The following POLI variants were observed in gnomAD, a reference collection of about 807,000 sequenced individuals.
The protein encoded by POLI is DNA polymerase iota, also known as RAD30 homolog B.
POLI carries 58 observed loss-of-function variants against 51.6 expected under a neutral mutation model. The ratio of observed to expected loss-of-function variants is 1.12; its 90% CI spans 0.91 to 1.40. The LOEUF (loss-of-function observed/expected upper bound fraction) is 1.40. Ranked by LOEUF, POLI falls within the 40% of genes most tolerant of loss-of-function variation. POLI has a pLI of 0.00. For synonymous variants in POLI, 322 were observed against 299.7 expected (o/e 1.07, Z -0.77); for missense variants, 921 against 871.3 (o/e 1.06, Z -0.72).
At chr18:54,304,798 G>T (rs1293215727) in intron 3 of POLI, among the ~76,000 whole-genome samples, 15 of 152,212 alleles carry the variant, frequency 9.9e-5, no homozygotes, top group Non-Finnish European at 2.2e-4. Context: ...GGCTTTTGTT[G>T]CCATTGCTTT....
At chr18:54,278,749 A>G (rs559790511) in intron 4 of POLI, among the ~76,000 whole-genome samples, 125 of 152,352 alleles carry the variant, frequency 8.2e-4, no homozygotes, top group African/African-American at 3.0e-3. Flanking sequence ...TGAATATCTG[A>G]TTAGGCTTTC....
chr18:54,315,893 A>AT (rs910126559), intron 3 of POLI, among the ~76,000 whole-genome samples: 27 of 150,436 alleles, frequency 1.8e-4, no homozygotes, highest in Non-Finnish European at 3.0e-5. Flanking sequence ...TTGGGTCTTG[A>AT]TTTTTTATCC....
In POLI at chr18:54,277,683, C is replaced by G. The variant is rs761835717; in HGVS notation, c.407-20C>G. ...TTATAACTTCATTTACATTTGTGCT[C>G]CAATATTATTTCAATTTAGAATTAC... is the stretch of plus-strand genomic sequence containing the variant. On this transcript the variant is annotated intron_variant, in intron 3 of 9. Transcript: ENST00000579534. The G allele has an allele frequency of 4.1e-5, 61 of 1,503,642 alleles. No homozygotes were observed. The highest frequency in any genetic ancestry group is 5.3e-5 in the Non-Finnish European group (58 of 1,093,464). The allele number at this position is 1,503,642 out of a possible 1,614,324, so 93.1% of individuals were successfully genotyped here.
rs61280100 is a variant in POLI, at chr18:54,285,521, AGTGTGTGTGTGT to A, written c.1067+1531_1067+1542del. On this transcript the variant is annotated intron_variant, in intron 7 of 9. Transcript: ENST00000579534. The stretch of plus-strand genomic sequence containing the variant: ...GACTTGCAAAAAAAAAAATTACAGG[AGTGTGTGTGTGT>A]GTGTGTGTGTGTGTGTGTGTGTATT... Among the ~76,000 whole-genome samples the A allele has an allele frequency of 1.5e-4, 22 of 144,758 alleles. No homozygotes were observed. The East Asian group carries it at 1.6e-3, about 11-fold the overall frequency. 95.0% of individuals were successfully genotyped at this position (144,758 alleles called of 152,430 possible).
chr18:54,282,118 G>A lies in POLI; in HGVS notation c.797-719G>A, dbSNP rs1041593707. Among the ~76,000 whole-genome samples the A allele has an allele frequency of 7.2e-5, 11 of 152,026 alleles. No individual in the cohort carries two copies. In the South Asian group the frequency reaches 1.0e-3, roughly 14 times the overall value. ...CTTATGGATAAATGTGTGGTGGTGC[G>A]TATAGGAATCAGTTAGGTTACCTAA... On this transcript the variant is annotated intron_variant, in intron 5 of 9. Coordinates refer to ENST00000579534, the MANE Select transcript of POLI (RefSeq NM_007195.3).
chr18:54,287,501 G>A (rs150668730), intron 8 of POLI, 90 bp downstream of exon 8: 1 of 875,936 alleles, frequency 1.1e-6, no homozygotes, highest in African/African-American at 1.7e-5. Context: ...AAAATGGAGG[G>A]TCTTCACAGG....
intron 9 of POLI, among the ~76,000 whole-genome samples, chr18:54,292,300 AT>A (rs1257198243): frequency 6.6e-6 from 1 of 152,148 alleles, no homozygotes; most frequent in East Asian, 1.9e-4. Flanking sequence ...TTGTTAACAC[AT>A]TTTATAGTAT....
At chr18:54,319,669 C>A (rs1041586733) in intron 3 of POLI, among the ~76,000 whole-genome samples, 2 of 151,948 alleles carry the variant, frequency 1.3e-5, no homozygotes, top group Non-Finnish European at 2.9e-5. Flanking sequence ...ATATATGGTA[C>A]CTTCTGCAAT....
intron 2 of POLI, 110 bp from the exon 3 acceptor site, chr18:54,273,816 T>C (rs777647839): frequency 2.3e-4 from 126 of 558,018 alleles, no homozygotes; most frequent in Admixed American, 5.0e-4. Flanking sequence ...CTTTTGATTC[T>C]TATCAAAACT....
At position 54,274,107 on chromosome 18, in the gene POLI, A is replaced by G. The variant is rs1296400584; in HGVS notation, c.406+17A>G. 4 of 1,320,710 alleles carry G rather than the reference A, an allele frequency of 3.0e-6. No homozygotes were observed. Among genetic ancestry groups the G allele is most frequent in the African/African-American group, 3.0e-5 (2 of 66,220 alleles). The allele number at this position is 1,320,710 out of a possible 1,614,324, so 81.8% of individuals were successfully genotyped here. A position where few individuals can be genotyped will look rare whatever the true frequency, so the allele number is the denominator to read the frequency against. On this transcript the variant is annotated intron_variant, in intron 3 of 9. Coordinates refer to ENST00000579534, the MANE Select transcript of POLI (RefSeq NM_007195.3). ...AGGTTACAGGTACAAATGATAAGCA[A>G]TGTACTTTTAGCATTAATTTTTATG...
At chr18:54,290,939 C>T (rs1384505584) in intron 8 of POLI, among the ~76,000 whole-genome samples, 1 of 152,120 alleles carries the variant, frequency 6.6e-6, no homozygotes, top group Non-Finnish European at 1.5e-5. Context: ...AACAAATCTG[C>T]ACATTGTGCA....
At chr18:54,316,637 C>T (rs1306635641) in intron 3 of POLI, among the ~76,000 whole-genome samples, 2 of 152,016 alleles carry the variant, frequency 1.3e-5, no homozygotes, top group African/African-American at 4.8e-5. Context: ...CAACAAAACC[C>T]CAAATATGTG....
At chr18:54,272,620 C>T (rs753265085) in intron 2 of POLI, among the ~76,000 whole-genome samples, 10 of 151,316 alleles carry the variant, frequency 6.6e-5, no homozygotes, top group Non-Finnish European at 5.9e-5. Flanking sequence ...TAGAGGTGTG[C>T]GCCACCATAC....
In POLI at chr18:54,296,849, A is replaced by G. The variant is rs931095053; in HGVS notation, c.*2382A>G. 3.7e-5 allele frequency: 28 copies of G among 751,208 alleles called. No homozygotes were observed. In the African/African-American group the frequency reaches 5.4e-4, roughly 15 times the overall value. 46.5% of individuals were successfully genotyped at this position (751,208 alleles called of 1,614,324 possible). On this transcript the variant is annotated 3_prime_UTR_variant, in exon 10 of 10. Transcript: ENST00000579534. ...TACAGTCCCTTGTAAGTCTGTTTCT[A>G]ATTTTTAAAAGTCAAATATATGATA...
At chr18:54,289,577 A>G (rs1423125500) in intron 8 of POLI, among the ~76,000 whole-genome samples, 3 of 151,200 alleles carry the variant, frequency 2.0e-5, no homozygotes, top group African/African-American at 4.9e-5. Context: ...ACTTCAAACT[A>G]TACTACAAGG....
At chr18:54,299,888 A>G (rs2088462521), downstream of POLI, among the ~76,000 whole-genome samples, 1 of 152,234 alleles carries the variant, frequency 6.6e-6, no homozygotes, top group African/African-American at 2.4e-5. Context: ...ACTATTGCAG[A>G]AAAACAAGCA....
chr18:54,289,669 C>T (rs752285439), intron 8 of POLI, among the ~76,000 whole-genome samples: 12 of 150,058 alleles, frequency 8.0e-5, no homozygotes, highest in Middle Eastern at 6.8e-3. Flanking sequence ...TCAGAAATAA[C>T]ACCACACATC....
Position 54,294,378 on chromosome 18 carries a change from G to A in POLI, c.2134G>A (p.Val712Ile). The A allele has an allele frequency of 1.9e-6, 3 of 1,613,554 alleles. No individual in the cohort carries two copies. ...ITFPSDIDPQ[V>I]FYELPEAVQK... ...TTTCCCTTCTGACATTGATCCTCAAGTTTTCTATGAACTACCAGAAGCAGT... is the reference window on the plus strand; with the variant it reads ...TTTCCCTTCTGACATTGATCCTCAAATTTTCTATGAACTACCAGAAGCAGT... Residue 712 changes from valine to isoleucine, a missense_variant, in exon 10 of 10, where the codon GTT (valine) becomes ATT (isoleucine). Physicochemically the swap from Val to Ile is conservative, Grantham distance 29. Coordinates refer to ENST00000579534, the MANE Select transcript of POLI (RefSeq NM_007195.3).
chr18:54,282,714 A>G, intron 5 of POLI, 123 bp from the exon 6 acceptor site: 1 of 596,928 alleles, frequency 1.7e-6, no homozygotes. Context: ...CCTGTGGATA[A>G]GGGGGGACTA....
Sources: allele counts gnomAD v4.1 joint callset (sites outside exome capture counted in the v4.1 genomes callset), GRCh38; gene constraint gnomAD v4.1.1; transcripts MANE v1.5; gene names NCBI Gene and HGNC (gene_info 2026-07-23, HGNC 2026-07-21).